The following GRAMD1B variants were observed in gnomAD, a reference collection of about 807,000 sequenced individuals.
GRAMD1B encodes the protein GRAM domain containing 1B.
Under a neutral mutation model 99.7 loss-of-function variants are expected in GRAMD1B, and 37 were observed. That is an observed-to-expected ratio of 0.37 (90% CI 0.29 to 0.49). GRAMD1B has a LOEUF of 0.49. Among genes scored for constraint, GRAMD1B ranks in the 20% least tolerant of loss-of-function variants. GRAMD1B has a pLI of 0.98. For synonymous variants in GRAMD1B, 427 were observed against 387.6 expected (o/e 1.10, Z -1.19); for missense variants, 888 against 1,009.2 (o/e 0.88, Z 1.63).
chr11:123,532,907 C>A (rs1469390495), intron 2 of GRAMD1B, among the ~76,000 whole-genome samples: 1 of 152,140 alleles, frequency 6.6e-6, no homozygotes, highest in African/African-American at 2.4e-5. Flanking sequence ...ATTATCGAGC[C>A]CTTTACTCAA....
intron 1 of GRAMD1B, among the ~76,000 whole-genome samples, chr11:123,377,794 A>G (rs1946739359): frequency 6.6e-6 from 1 of 152,236 alleles, no homozygotes; most frequent in African/African-American, 2.4e-5. Context: ...TAGGAACTTG[A>G]GGAGAAAGAT....
At chr11:123,428,087 T>G (rs529378287), upstream of GRAMD1B, among the ~76,000 whole-genome samples, 2 of 152,338 alleles carry the variant, frequency 1.3e-5, no homozygotes, top group African/African-American at 4.8e-5. Flanking sequence ...TTTGTGTTTT[T>G]GGCCTCCAAG....
Position 123,430,844 on chromosome 11 carries a change from C to T in GRAMD1B, c.52C>T (p.Pro18Ser). ...CCGGCCGCTGCCCGCCCTGCAGGTG[C>T]CCGAGCCGCAGGGTGCGCCCGAGGG... Reference protein sequence around the residue: ...ENRPLPALQVPEPQGAPEGSP... With the variant: ...ENRPLPALQVSEPQGAPEGSP... The change falls in exon 1 of 20, where the codon CCC (proline) becomes TCC (serine). Residue 18 changes from proline to serine, a missense_variant. Pro to Ser is a moderately conservative substitution (Grantham distance 74). Coordinates refer to ENST00000635736, the MANE Select transcript of GRAMD1B (RefSeq NM_001387025.1). 1.4e-6 allele frequency: 1 copy of T among 699,618 alleles called. No individual in the cohort carries two copies. Among genetic ancestry groups the T allele is most frequent in the Middle Eastern group, 2.6e-4 (1 of 3,812 alleles). The allele number at this position is 699,618 out of a possible 1,614,324, so 43.3% of individuals were successfully genotyped here.
chr11:123,470,193 A>T (rs889997324), intron 1 of GRAMD1B, among the ~76,000 whole-genome samples: 1 of 152,182 alleles, frequency 6.6e-6, no homozygotes, highest in Non-Finnish European at 1.5e-5. Context: ...AGTGAAATCA[A>T]TTCCTCAAGG....
intron 2 of GRAMD1B, among the ~76,000 whole-genome samples, chr11:123,541,340 A>G (rs1944506311): frequency 6.6e-6 from 1 of 152,150 alleles, no homozygotes; most frequent in African/African-American, 2.4e-5. Flanking sequence ...GTTCCAGCTT[A>G]CACACCAAGC....
At chr11:123,378,403 A>G (rs151273550) in intron 1 of GRAMD1B, among the ~76,000 whole-genome samples, 1 of 152,260 alleles carries the variant, frequency 6.6e-6, no homozygotes, top group Non-Finnish European at 1.5e-5. Flanking sequence ...GTGTTTTCTA[A>G]CATTCCTACT....
chr11:123,496,475 T>A (rs763368505), intron 2 of GRAMD1B, among the ~76,000 whole-genome samples: 1 of 152,110 alleles, frequency 6.6e-6, no homozygotes, highest in Non-Finnish European at 1.5e-5. Flanking sequence ...CTCTATAACC[T>A]TCTTGTACTT....
At chr11:123,500,592 T>G (rs960257939) in intron 2 of GRAMD1B, among the ~76,000 whole-genome samples, 7 of 152,200 alleles carry the variant, frequency 4.6e-5, no homozygotes, top group African/African-American at 1.7e-4. Flanking sequence ...GCAGAGTGTC[T>G]GTGTACTTTG....
chr11:123,489,137 A>T (rs1290459569), intron 2 of GRAMD1B, among the ~76,000 whole-genome samples: 2 of 149,990 alleles, frequency 1.3e-5, no homozygotes, highest in East Asian at 3.9e-4. Context: ...GGGTCCTAGA[A>T]GAGTTAAAAA....
At chr11:123,371,567 C>A (rs1946530583) in intron 1 of GRAMD1B, among the ~76,000 whole-genome samples, 1 of 152,216 alleles carries the variant, frequency 6.6e-6, no homozygotes, top group South Asian at 2.1e-4. Context: ...ATTCCCCATA[C>A]CTCCACTCCA....
At position 123,437,658 on chromosome 11, in the gene GRAMD1B, A is replaced by G. The variant is rs114387103; in HGVS notation, c.374+6492A>G. On this transcript the variant is annotated intron_variant, in intron 1 of 19. Transcript: ENST00000635736. Reference sequence around the variant, plus strand: ...GGCCTCAGGGTTTCCACTTAGCTCCATGTCTGACCACTGGTAGTGCCGCTC... The same window carrying G: ...GGCCTCAGGGTTTCCACTTAGCTCCGTGTCTGACCACTGGTAGTGCCGCTC... Among the ~76,000 whole-genome samples, 819 of 152,322 alleles carry G rather than the reference A, an allele frequency of 5.4e-3. 10 individuals carry two copies. Among genetic ancestry groups the G allele is most frequent in the African/African-American group, 0.019 (778 of 41,576 alleles).
intron 2 of GRAMD1B, among the ~76,000 whole-genome samples, chr11:123,545,449 CAGAA>C (rs1944956816): frequency 6.6e-6 from 1 of 152,202 alleles, no homozygotes; most frequent in Non-Finnish European, 1.5e-5. Context: ...CCTAGTCCAT[CAGAA>C]TATCTGCCTG....
chr11:123,396,366 C>T (rs1947464178), intron 1 of GRAMD1B, among the ~76,000 whole-genome samples: 1 of 151,894 alleles, frequency 6.6e-6, no homozygotes, highest in South Asian at 2.1e-4. Flanking sequence ...ACTTCCGCCT[C>T]CCAGGTTTAA....
intron 1 of GRAMD1B, among the ~76,000 whole-genome samples, chr11:123,385,217 A>G (rs535994690): frequency 6.6e-6 from 1 of 152,272 alleles, no homozygotes; most frequent in East Asian, 1.9e-4. Context: ...TCCTTCCCCC[A>G]GTCCAATCAA....
At chr11:123,615,354 T>A (rs759754668) in intron 17 of GRAMD1B, among the ~76,000 whole-genome samples, 47 of 152,324 alleles carry the variant, frequency 3.1e-4, no homozygotes, top group Non-Finnish European at 3.2e-4. Flanking sequence ...ATAATTGCTA[T>A]GACATTATAA....
At chr11:123,376,107 G>T (rs372372152) in intron 1 of GRAMD1B, among the ~76,000 whole-genome samples, 2 of 152,014 alleles carry the variant, frequency 1.3e-5, no homozygotes, top group East Asian at 3.9e-4. Flanking sequence ...CAGAAGGAAA[G>T]AGACCAGCTT....
At chr11:123,368,751 A>T (rs1352365412) in intron 1 of GRAMD1B, among the ~76,000 whole-genome samples, 6 of 150,104 alleles carry the variant, frequency 4.0e-5, no homozygotes, top group African/African-American at 1.5e-4. Context: ...TCAAAATTTG[A>T]GCAGGATGAG....
Position 123,431,033 on chromosome 11 carries a change from G to A in GRAMD1B, c.241G>A (p.Glu81Lys). 1.4e-6 allele frequency: 1 copy of A among 703,042 alleles called. No homozygotes were observed. The highest frequency in any genetic ancestry group is 2.6e-6 in the Non-Finnish European group (1 of 384,994). The allele number at this position is 703,042 out of a possible 1,614,324, so 43.6% of individuals were successfully genotyped here. ...GGAGTTCCTGCAGCTGCCGTCCATC[G>A]AGATCACGCCCTCCAGCGACGAGGA... ...GKEFLQLPSI[E>K]ITPSSDEDTP... is the part of the protein sequence containing the mutation. Residue 81 changes from glutamate (E) to lysine (K), a missense_variant, in exon 1 of 20, where the codon GAG becomes AAG. Glu to Lys is a moderately conservative substitution (Grantham distance 56). Coordinates refer to ENST00000635736, the MANE Select transcript of GRAMD1B (RefSeq NM_001387025.1).
At position 123,368,232 on chromosome 11, in the gene GRAMD1B, C is replaced by T. The variant is rs1366322416; in HGVS notation, c.-176+9433C>T. 4.8e-5 allele frequency among the ~76,000 whole-genome samples: 6 copies of T among 125,458 alleles called. No homozygotes were observed. In the East Asian group the frequency reaches 1.1e-3, roughly 23 times the overall value. The allele number at this position is 125,458 out of a possible 152,430, so 82.3% of individuals were successfully genotyped here. A position where few individuals can be genotyped will look rare whatever the true frequency, so the allele number is the denominator to read the frequency against. On this transcript the variant is annotated intron_variant, in intron 1 of 20. Transcript: ENST00000638157. ...TTGCACCATTGCACTCCTGCCTGGG[C>T]GACAGTGCGAAACTACATCTTAAAA...
Sources: gnomAD v4.1 joint callset for allele counts (sites outside exome capture counted in the v4.1 genomes callset) on GRCh38, gnomAD v4.1.1 for gene constraint, MANE v1.5 for transcripts, NCBI Gene and HGNC (gene_info 2026-07-23, HGNC 2026-07-21) for gene names.